Variants in ATRNL1 observed in about 807,000 individuals in gnomAD.
The protein encoded by ATRNL1 is attractin-like protein 1.
Under a neutral mutation model 182.7 loss-of-function variants are expected in ATRNL1, and 95 were observed. That is an observed-to-expected ratio of 0.52 (90% CI 0.44 to 0.62). ATRNL1 has a LOEUF of 0.62. Ranked by LOEUF, ATRNL1 falls within the 20% of genes least tolerant of loss-of-function variation. ATRNL1 has a pLI of 0.00. For synonymous variants in ATRNL1, 576 were observed against 568.3 expected (o/e 1.01, Z -0.19); for missense variants, 1,471 against 1,679.5 (o/e 0.88, Z 2.17).
chr10:115,428,755 T>C (rs1846018197), intron 21 of ATRNL1, among the ~76,000 whole-genome samples: 2 of 152,092 alleles, frequency 1.3e-5, no homozygotes, highest in Non-Finnish European at 2.9e-5. Flanking sequence ...TCATGGACAT[T>C]GGGATTTTTT....
At chr10:115,162,788 G>A (rs1477907151) in intron 6 of ATRNL1, among the ~76,000 whole-genome samples, 1 of 151,396 alleles carries the variant, frequency 6.6e-6, no homozygotes, top group East Asian at 1.9e-4. Flanking sequence ...GAAAAAGAAT[G>A]ACTGGTGAGA....
rs532355803 is a variant in ATRNL1 at position 115,198,087 on chromosome 10, G to C, written c.1349-17610G>C. Among the ~76,000 whole-genome samples, 3 of 152,174 alleles carry C rather than the reference G, an allele frequency of 2.0e-5. No individual in the cohort carries two copies. The South Asian group carries it at 6.2e-4, about 32-fold the overall frequency. ...TAGTTCTACTTTTAATTTTTAGGAGGCTTCATATTGTTTTCCATAATGGGC... is the reference window on the plus strand; with the variant it reads ...TAGTTCTACTTTTAATTTTTAGGAGCCTTCATATTGTTTTCCATAATGGGC... On this transcript the variant is annotated intron_variant, in intron 8 of 28. Coordinates refer to ENST00000355044, the MANE Select transcript of ATRNL1 (RefSeq NM_207303.4).
At chr10:115,591,138 C>T (rs1555012082) in intron 26 of ATRNL1, among the ~76,000 whole-genome samples, 7 of 152,204 alleles carry the variant, frequency 4.6e-5, no homozygotes, top group Non-Finnish European at 2.9e-5. Flanking sequence ...TACACACTAA[C>T]ATGTGAGTAC....
intron 26 of ATRNL1, among the ~76,000 whole-genome samples, chr10:115,648,894 G>T (rs1859806283): frequency 6.6e-6 from 1 of 152,142 alleles, no homozygotes. Flanking sequence ...GAACATTTGT[G>T]TGTGAATTCT....
At chr10:115,246,279 C>T (rs1850635942) in intron 10 of ATRNL1, among the ~76,000 whole-genome samples, 1 of 152,096 alleles carries the variant, frequency 6.6e-6, no homozygotes, top group African/African-American at 2.4e-5. Context: ...GTTAAGTCTA[C>T]ATTCAGAGTC....
intron 24 of ATRNL1, among the ~76,000 whole-genome samples, chr10:115,514,790 A>G (rs1554983473): frequency 6.6e-6 from 1 of 151,986 alleles, no homozygotes. Flanking sequence ...GTGAAGACTC[A>G]TATTTGAATA....
At chr10:115,614,037 G>C (rs1857303625) in intron 26 of ATRNL1, among the ~76,000 whole-genome samples, 1 of 151,636 alleles carries the variant, frequency 6.6e-6, no homozygotes, top group Non-Finnish European at 1.5e-5. Context: ...GTTCTGCTCT[G>C]ATCTTTGTTA....
chr10:115,677,607 C>T (rs1163980030), intron 26 of ATRNL1, among the ~76,000 whole-genome samples: 7 of 151,964 alleles, frequency 4.6e-5, no homozygotes, highest in African/African-American at 1.2e-4. Context: ...CTTTTGCTGC[C>T]GCCATGTAAG....
intron 27 of ATRNL1, among the ~76,000 whole-genome samples, chr10:115,734,287 G>A (rs74832440): frequency 0.033 from 5,051 of 152,088 alleles, 264 homozygotes; most frequent in African/African-American, 0.11. Flanking sequence ...ACTATCTTTA[G>A]CAAAGTATGA....
chr10:115,214,993 A>C (rs1849172994), intron 8 of ATRNL1, among the ~76,000 whole-genome samples: 1 of 152,326 alleles, frequency 6.6e-6, no homozygotes, highest in Admixed American at 6.5e-5. Context: ...GCAACTAAAC[A>C]TACCAGTTTT....
At chr10:115,404,345 G>A (rs943163961) in intron 20 of ATRNL1, among the ~76,000 whole-genome samples, 62 of 152,124 alleles carry the variant, frequency 4.1e-4, no homozygotes, top group Admixed American at 1.4e-3. Flanking sequence ...GGCTCTGTCC[G>A]GTAGACAGAA....
chr10:115,548,551 A>G (rs1678080840), intron 25 of ATRNL1, among the ~76,000 whole-genome samples: 1 of 152,194 alleles, frequency 6.6e-6, no homozygotes, highest in African/African-American at 2.4e-5. Context: ...CTATGACCAC[A>G]GAGCAAAGAA....
At chr10:115,781,267 C>T (rs1949258495) in intron 27 of ATRNL1, among the ~76,000 whole-genome samples, 1 of 152,168 alleles carries the variant, frequency 6.6e-6, no homozygotes, top group Admixed American at 6.5e-5. Context: ...ATATCCATTG[C>T]TACAACCATT....
At chr10:115,905,035 T>C (rs1280821772) in intron 28 of ATRNL1, among the ~76,000 whole-genome samples, 1 of 152,178 alleles carries the variant, frequency 6.6e-6, no homozygotes, top group Non-Finnish European at 1.5e-5. Context: ...AGCTGAAGTC[T>C]GAAAGAGTTC....
At chr10:115,712,465 T>A (rs1947089457) in intron 26 of ATRNL1, among the ~76,000 whole-genome samples, 1 of 152,212 alleles carries the variant, frequency 6.6e-6, no homozygotes, top group East Asian at 1.9e-4. Context: ...TCCAGAATTC[T>A]TGAGCTATGG....
intron 15 of ATRNL1, among the ~76,000 whole-genome samples, chr10:115,291,158 T>A (rs1273839047): frequency 6.6e-6 from 1 of 152,188 alleles, no homozygotes; most frequent in African/African-American, 2.4e-5. Flanking sequence ...AGGGAAGTCT[T>A]GCTCAGGACT....
At chr10:115,489,918 T>A (rs1554976145) in intron 24 of ATRNL1, among the ~76,000 whole-genome samples, 1 of 152,212 alleles carries the variant, frequency 6.6e-6, no homozygotes, top group Non-Finnish European at 1.5e-5. Context: ...AAGGCAGGCC[T>A]GTTGGTGACA....
chr10:115,350,334 C>CAAA (rs1424122017), intron 19 of ATRNL1, among the ~76,000 whole-genome samples: 480 of 29,624 alleles, frequency 0.016, 28 homozygotes, highest in African/African-American at 0.023. Flanking sequence ...GACTCTGTCT[C>CAAA]AAAAAAAAAA....
chr10:115,709,311 A>G (rs1238127579), intron 26 of ATRNL1, among the ~76,000 whole-genome samples: 1 of 151,968 alleles, frequency 6.6e-6, no homozygotes, highest in Non-Finnish European at 1.5e-5. Flanking sequence ...TCACACATTC[A>G]GATACCTTGC....
Sources: allele counts gnomAD v4.1 joint callset (sites outside exome capture counted in the v4.1 genomes callset), GRCh38; gene constraint gnomAD v4.1.1; transcripts MANE v1.5; gene names NCBI Gene and HGNC (gene_info 2026-07-23, HGNC 2026-07-21).